The following MGA variants were observed in gnomAD, a reference collection of about 807,000 sequenced individuals.
MGA encodes MAX gene-associated protein.
In MGA, 40 loss-of-function variants were observed where a neutral mutation model predicts 261.1. The observed-to-expected ratio is 0.15, with a 90% CI of 0.12 to 0.20. MGA has a LOEUF of 0.20. Ranked by LOEUF, MGA falls within the 10% of genes least tolerant of loss-of-function variation. MGA has a pLI of 1.00. For missense variants in MGA, 3,397 were observed against 3,630.5 expected (o/e 0.94, Z 1.65); for synonymous variants, 1,302 against 1,290.6 (o/e 1.01, Z -0.19).
chr15:41,663,983 G>A (rs751240440), intron 1 of MGA, among the ~76,000 whole-genome samples: 2 of 152,160 alleles, frequency 1.3e-5, no homozygotes, highest in African/African-American at 2.4e-5. Flanking sequence ...AGTGGAATCT[G>A]TGCCTAGATT....
At chr15:41,762,394 T>C (rs561131226) in intron 22 of MGA, 32 bp downstream of exon 22, 3 of 1,556,310 alleles carry the variant, frequency 1.9e-6, no homozygotes, top group Non-Finnish European at 2.6e-6. Context: ...TTCCTTAATG[T>C]AGATATACAT....
intron 1 of MGA, among the ~76,000 whole-genome samples, chr15:41,639,120 G>A (rs2056771455): frequency 6.6e-6 from 1 of 152,094 alleles, no homozygotes; most frequent in Admixed American, 6.6e-5. Context: ...TTCTCTTCCT[G>A]GTTGGGGATC....
chr15:41,711,176 C>T lies in MGA; in HGVS notation c.2911C>T (p.Arg971Trp), dbSNP rs372252914. Residue 971 changes from arginine to tryptophan, a missense_variant, in exon 8 of 24, where the codon CGG (arginine) becomes TGG (tryptophan). Physicochemically the swap from Arg to Trp is moderately radical, Grantham distance 101 (BLOSUM62 -3). Transcript: ENST00000219905. ...TATATTTCCAAAGCAGATTAGTTTG[C>T]GGCAGGCACAGCAGCAGCAGCAACA... 50 of 1,613,834 alleles carry T rather than the reference C, an allele frequency of 3.1e-5. No individual in the cohort carries two copies. Among genetic ancestry groups the T allele is most frequent in the South Asian group, 1.3e-4 (12 of 91,080 alleles).
chr15:41,745,763 C>T (rs556833460), intron 15 of MGA, among the ~76,000 whole-genome samples: 1 of 146,600 alleles, frequency 6.8e-6, no homozygotes, highest in Non-Finnish European at 1.5e-5. Flanking sequence ...TGCCACCACA[C>T]CTGGTTAATT....
At chr15:41,710,434 T>A (rs1381630273) in intron 7 of MGA, among the ~76,000 whole-genome samples, 2 of 152,130 alleles carry the variant, frequency 1.3e-5, no homozygotes, top group Admixed American at 6.6e-5. Flanking sequence ...TTTTAAAAAA[T>A]TTATTTATGT....
At chr15:41,739,529 G>T (rs1317131490) in intron 13 of MGA, among the ~76,000 whole-genome samples, 2 of 152,022 alleles carry the variant, frequency 1.3e-5, no homozygotes, top group African/African-American at 4.8e-5. Flanking sequence ...AGATTCTGTG[G>T]GACACTCATT....
intron 8 of MGA, 108 bp from the exon 9 acceptor site, chr15:41,713,043 T>C (rs902933064): frequency 6.9e-7 from 1 of 1,458,028 alleles, no homozygotes; most frequent in Admixed American, 2.1e-5. Context: ...AGTCCTGTGC[T>C]GTTAGTACTT....
chr15:41,746,265 G>A (rs150275070), intron 15 of MGA, among the ~76,000 whole-genome samples: 255 of 152,220 alleles, frequency 1.7e-3, no homozygotes, highest in African/African-American at 5.8e-3. Context: ...ATATGGCTGG[G>A]CACAGTGGCT....
At chr15:41,668,141 G>A (rs1430938435) in intron 1 of MGA, among the ~76,000 whole-genome samples, 1 of 149,728 alleles carries the variant, frequency 6.7e-6, no homozygotes. Context: ...TTTTTTTTTG[G>A]CCTTACTGGT....
chr15:41,649,796 C>T (rs568059338), intron 1 of MGA, among the ~76,000 whole-genome samples: 1 of 152,334 alleles, frequency 6.6e-6, no homozygotes, highest in Non-Finnish European at 1.5e-5. Context: ...TCTCCTGCCT[C>T]AGCCTCCTGA....
chr15:41,649,883 G>A (rs181050663), intron 1 of MGA, among the ~76,000 whole-genome samples: 3 of 152,286 alleles, frequency 2.0e-5, no homozygotes, highest in African/African-American at 7.2e-5. Flanking sequence ...GTTTCGCCAT[G>A]TTGGCCAGGC....
At position 41,711,360 on chromosome 15, in the gene MGA, G is replaced by C. The variant is rs751148023; in HGVS notation, c.3084+11G>C. 11 of 1,575,236 alleles carry C rather than the reference G, an allele frequency of 7.0e-6. No homozygotes were observed. Among genetic ancestry groups the C allele is most frequent in the Middle Eastern group, 1.7e-4 (1 of 5,846 alleles). On this transcript the variant is annotated intron_variant, in intron 8 of 23. Transcript: ENST00000219905. ...CTACTTACAGCTCAAGTAAGTAGCTGCTGTTTTCTGGAGGTATATTAGTGC... is the reference window on the plus strand; with the variant it reads ...CTACTTACAGCTCAAGTAAGTAGCTCCTGTTTTCTGGAGGTATATTAGTGC...
intron 8 of MGA, among the ~76,000 whole-genome samples, chr15:41,712,040 A>G (rs975967946): frequency 6.6e-6 from 1 of 152,182 alleles, no homozygotes; most frequent in African/African-American, 2.4e-5. Context: ...GAAATTGAAA[A>G]TTAAAAACCT....
At chr15:41,732,150 C>CTTTTTT (rs934455098) in intron 11 of MGA, among the ~76,000 whole-genome samples, 3 of 141,066 alleles carry the variant, frequency 2.1e-5, no homozygotes, top group African/African-American at 7.8e-5. Context: ...TTTTGTTATC[C>CTTTTTT]TTTTTTTTTT....
chr15:41,761,795 A>G lies in MGA; in HGVS notation c.7455A>G (p.Lys2485=), dbSNP rs1176628121. Reference sequence around the variant, plus strand: ...AGGCAGACAAATTGATAGGACAGAAAAATCTCCTGACTCGAAAACGGAATA... The same window carrying G: ...AGGCAGACAAATTGATAGGACAGAAGAATCTCCTGACTCGAAAACGGAATA... The change falls in exon 21 of 24, where the codon AAA becomes AAG. Residue 2485 remains lysine (K), a synonymous_variant. Coordinates refer to ENST00000219905, the MANE Select transcript of MGA (RefSeq NM_001164273.2). 2 of 1,600,370 alleles carry G rather than the reference A, an allele frequency of 1.2e-6. No homozygotes were observed. Among genetic ancestry groups the G allele is most frequent in the Non-Finnish European group, 8.5e-7 (1 of 1,172,870 alleles).
intron 2 of MGA, among the ~76,000 whole-genome samples, chr15:41,689,135 A>G (rs940881278): frequency 5.3e-5 from 8 of 152,202 alleles, no homozygotes; most frequent in South Asian, 4.1e-4. Flanking sequence ...TTTATTGAAT[A>G]TAATTTGAAT....
chr15:41,761,921 C>A, intron 21 of MGA, 71 bp downstream of exon 21: 1 of 1,190,262 alleles, frequency 8.4e-7, no homozygotes. Flanking sequence ...CTCAGTAGAT[C>A]TTTCAGATAC....
chr15:41,680,466 A>T (rs1280146866), intron 2 of MGA, among the ~76,000 whole-genome samples: 1 of 152,200 alleles, frequency 6.6e-6, no homozygotes, highest in Non-Finnish European at 1.5e-5. Context: ...GTCCCCAACA[A>T]GACTGCACCT....
At chr15:41,734,403 A>G (rs1320567569) in intron 11 of MGA, 119 bp from the exon 12 acceptor site, 4 of 788,074 alleles carry the variant, frequency 5.1e-6, no homozygotes, top group East Asian at 5.5e-5. Context: ...GAAGCTGTTG[A>G]CATTTCAGTC....
Sources: gnomAD v4.1 joint callset for allele counts (sites outside exome capture counted in the v4.1 genomes callset) on GRCh38, gnomAD v4.1.1 for gene constraint, MANE v1.5 for transcripts, NCBI Gene and HGNC (gene_info 2026-07-23, HGNC 2026-07-21) for gene names.